The following PKHD1L1 variants were observed in gnomAD, a reference collection of about 807,000 sequenced individuals.
PKHD1L1 encodes the protein fibrocystin-L.
In PKHD1L1, 434 loss-of-function variants were observed where a neutral mutation model predicts 462.9. That is an observed-to-expected ratio of 0.94 (90% CI 0.87 to 1.02). The LOEUF is 1.02. PKHD1L1 is among the 50% of genes least tolerant of loss of function. PKHD1L1 has a pLI of 0.00. For missense variants in PKHD1L1, 5,202 were observed against 5,096.1 expected (o/e 1.02, Z -0.63); for synonymous variants, 1,781 against 1,750.0 (o/e 1.02, Z -0.44).
chr8:109,507,982 C>A, intron 69 of PKHD1L1, 87 bp downstream of exon 69: 1 of 1,512,608 alleles, frequency 6.6e-7, no homozygotes, highest in Non-Finnish European at 9.0e-7. Context: ...CCTACTCAAC[C>A]AATAACTTTT....
At position 109,408,177 on chromosome 8, in the gene PKHD1L1, C is replaced by T. The variant is rs777191851; in HGVS notation, c.1942C>T (p.Pro648Ser). The change falls in exon 18 of 78, where the codon CCA becomes TCA. Residue 648 changes from proline (P) to serine (S), a missense_variant. Physicochemically the swap from Pro to Ser is moderately conservative, Grantham distance 74. Transcript: ENST00000378402. ...GAATTGGGATGGGATCGCTTCTAAG[C>T]CACTCACTCTATGGTCATCAGAAGC... ...TLNWDGIASKPLTLWSSEAEF... is the reference protein window; with the variant it reads ...TLNWDGIASKSLTLWSSEAEF... 2 of 1,612,712 alleles carry T rather than the reference C, an allele frequency of 1.2e-6. No homozygotes were observed. Among genetic ancestry groups the T allele is most frequent in the East Asian group, 4.5e-5 (2 of 44,814 alleles).
chr8:109,521,541 T>C (rs1820549502), intron 73 of PKHD1L1, among the ~76,000 whole-genome samples: 1 of 152,086 alleles, frequency 6.6e-6, no homozygotes, highest in African/African-American at 2.4e-5. Context: ...TAAGCAAAAC[T>C]ACTAGGCTTC....
At chr8:109,471,693 T>A (rs1403879861) in intron 50 of PKHD1L1, among the ~76,000 whole-genome samples, 1 of 152,200 alleles carries the variant, frequency 6.6e-6, no homozygotes, top group Non-Finnish European at 1.5e-5. Flanking sequence ...ACAGCCTTTA[T>A]TGTAGTAAAC....
rs762065172 is a variant in PKHD1L1, at chr8:109,481,579, A to G, written c.9457+17A>G. The G allele has an allele frequency of 1.9e-6, 3 of 1,541,438 alleles. No individual in the cohort carries two copies. Among genetic ancestry groups the G allele is most frequent in the Admixed American group, 2.1e-5 (1 of 46,974 alleles). ...AGGTCTTAGGTGTGTGTCTACAGATACCAAAAGTGTCACATCTGTTTTAAG... is the reference window on the plus strand; with the variant it reads ...AGGTCTTAGGTGTGTGTCTACAGATGCCAAAAGTGTCACATCTGTTTTAAG... On this transcript the variant is annotated intron_variant, in intron 56 of 77. Transcript: ENST00000378402.
At chr8:109,499,641 CA>C (rs1233713518) in intron 67 of PKHD1L1, among the ~76,000 whole-genome samples, 1 of 152,112 alleles carries the variant, frequency 6.6e-6, no homozygotes, top group Non-Finnish European at 1.5e-5. Context: ...ATTGAAAGAA[CA>C]TTAATAACTA....
chr8:109,428,552 GT>G (rs1814905935), intron 25 of PKHD1L1, among the ~76,000 whole-genome samples: 1 of 151,936 alleles, frequency 6.6e-6, no homozygotes, highest in Non-Finnish European at 1.5e-5. Flanking sequence ...GGATATGGGG[GT>G]TATTTTAAAA....
At chr8:109,366,465 A>G (rs540829967) in intron 2 of PKHD1L1, among the ~76,000 whole-genome samples, 1 of 152,218 alleles carries the variant, frequency 6.6e-6, no homozygotes, top group South Asian at 2.1e-4. Context: ...TGGAGGAGGG[A>G]TATTGGTCAA....
intron 21 of PKHD1L1, among the ~76,000 whole-genome samples, chr8:109,417,984 T>C (rs1814272278): frequency 6.6e-6 from 1 of 152,232 alleles, no homozygotes; most frequent in Non-Finnish European, 1.5e-5. Flanking sequence ...AAAATTGTTC[T>C]ACAACCTTCC....
chr8:109,387,167 A>G (rs985123112), intron 6 of PKHD1L1, among the ~76,000 whole-genome samples: 1 of 152,192 alleles, frequency 6.6e-6, no homozygotes, highest in African/African-American at 2.4e-5. Flanking sequence ...GCAGGAATTC[A>G]GGAGACCTGC....
At chr8:109,389,191 G>A (rs990706638) in intron 8 of PKHD1L1, 39 bp downstream of exon 8, 9 of 1,498,516 alleles carry the variant, frequency 6.0e-6, no homozygotes, top group Non-Finnish European at 8.3e-6. Flanking sequence ...GCTCACAGAT[G>A]CCTTATTCTA....
In PKHD1L1 at chr8:109,530,143, T is replaced by C; in HGVS notation, c.*53T>C. The C allele has an allele frequency of 8.5e-7, 1 of 1,181,446 alleles. No homozygotes were observed. Among genetic ancestry groups the C allele is most frequent in the Non-Finnish European group, 1.1e-6 (1 of 894,542 alleles). The allele number at this position is 1,181,446 out of a possible 1,614,324, so 73.2% of individuals were successfully genotyped here. On this transcript the variant is annotated 3_prime_UTR_variant, in exon 78 of 78. Coordinates refer to ENST00000378402, the MANE Select transcript of PKHD1L1 (RefSeq NM_177531.6). Reference sequence around the variant, plus strand: ...CAAAAATATAAGAATTATTAGCTACTTTGTTGGGCAATAGGCAAAAGTCTA... The same window carrying C: ...CAAAAATATAAGAATTATTAGCTACCTTGTTGGGCAATAGGCAAAAGTCTA...
At chr8:109,442,252 A>G in intron 35 of PKHD1L1, 57 bp downstream of exon 35, 7 of 1,465,458 alleles carry the variant, frequency 4.8e-6, no homozygotes, top group Non-Finnish European at 6.5e-6. Flanking sequence ...ATGTAATAAA[A>G]TGACATTTTG....
At chr8:109,485,319 C>T (rs1586605053) in intron 58 of PKHD1L1, 146 bp downstream of exon 58, 2 of 660,456 alleles carry the variant, frequency 3.0e-6, no homozygotes, top group Non-Finnish European at 4.8e-6. Flanking sequence ...CCAGTGAGTG[C>T]TGCTCTTTCT....
Position 109,400,129 on chromosome 8 carries a change from G to C in PKHD1L1, c.1066G>C (p.Glu356Gln). 1 of 1,613,386 alleles carries C rather than the reference G, an allele frequency of 6.2e-7. No homozygotes were observed. The highest frequency in any genetic ancestry group is 1.1e-5 in the South Asian group (1 of 91,066). The change falls in exon 13 of 78, where the codon GAA (glutamate) becomes CAA (glutamine). Residue 356 changes from glutamate (E) to glutamine (Q), a missense_variant. Physicochemically the swap from Glu to Gln is conservative, Grantham distance 29 (BLOSUM62 2). Transcript: ENST00000378402. Reference protein sequence around the residue: ...VWNNSRPIRLEEILEYNEKTP... With the variant: ...VWNNSRPIRLQEILEYNEKTP... ...GAATAATAGCCGTCCAATACGTTTG[G>C]AAGAGATACTGGAATACAATGAAAA...
At chr8:109,384,360 G>A (rs1292596934) in intron 5 of PKHD1L1, among the ~76,000 whole-genome samples, 2 of 151,894 alleles carry the variant, frequency 1.3e-5, no homozygotes, top group Admixed American at 6.6e-5. Flanking sequence ...GCAACATCAT[G>A]AGACCCTCTC....
chr8:109,366,355 A>G (rs535879421), intron 2 of PKHD1L1, among the ~76,000 whole-genome samples: 7 of 152,354 alleles, frequency 4.6e-5, no homozygotes, highest in African/African-American at 1.7e-4. Flanking sequence ...GATGACTAAA[A>G]ACGTGTTCTC....
At chr8:109,453,882 A>G (rs969889033) in intron 43 of PKHD1L1, among the ~76,000 whole-genome samples, 9 of 152,176 alleles carry the variant, frequency 5.9e-5, no homozygotes, top group African/African-American at 2.2e-4. Flanking sequence ...GCTATTTAGT[A>G]GCATCTAAAA....
intron 2 of PKHD1L1, among the ~76,000 whole-genome samples, chr8:109,378,442 T>C (rs768412355): frequency 2.0e-5 from 3 of 152,230 alleles, no homozygotes; most frequent in Non-Finnish European, 2.9e-5. Context: ...ACACTTGCTA[T>C]TATTTGAATC....
chr8:109,389,725 G>T (rs959059073), intron 8 of PKHD1L1, among the ~76,000 whole-genome samples: 2 of 151,920 alleles, frequency 1.3e-5, no homozygotes, highest in Non-Finnish European at 2.9e-5. Flanking sequence ...ATGGGGTTTT[G>T]CCATATTGGT....
Sources: gnomAD v4.1 joint callset for allele counts (sites outside exome capture counted in the v4.1 genomes callset) on GRCh38, gnomAD v4.1.1 for gene constraint, MANE v1.5 for transcripts, NCBI Gene and HGNC (gene_info 2026-07-23, HGNC 2026-07-21) for gene names.